LMOD1: variants seen among roughly 807,000 people sequenced by gnomAD.
LMOD1 encodes leiomodin-1.
A neutral mutation model predicts 36.5 loss-of-function variants in LMOD1; 8 were observed. The ratio of observed to expected loss-of-function variants is 0.22; its 90% CI spans 0.13 to 0.40. The LOEUF (loss-of-function observed/expected upper bound fraction) is 0.40, where lower values mean the gene tolerates loss of function less well. Ranked by LOEUF, LMOD1 falls within the 10% of genes least tolerant of loss-of-function variation. LMOD1 has a pLI of 1.00. For synonymous variants in LMOD1, 284 were observed against 288.7 expected, an observed-to-expected ratio of 0.98 and a Z score of 0.17; for missense variants, 630 against 751.1, an observed-to-expected ratio of 0.84 and a Z score of 1.88.
chr1:201,901,585 CATATATATATGTATAT>C (rs1681316546), intron 1 of LMOD1, among the ~76,000 whole-genome samples: 1 of 4,960 alleles, frequency 2.0e-4, no homozygotes, highest in African/African-American at 7.7e-4. Flanking sequence ...TATATATATA[CATATATATATGTATAT>C]ATATATATAC....
Position 201,900,602 on chromosome 1 carries a change from G to A in LMOD1, c.411C>T (p.Asp137=), listed in dbSNP as rs775347698. The change falls in exon 2 of 3, where the codon GAC becomes GAT. Residue 137 remains aspartate, a synonymous_variant. Transcript: ENST00000367288. ...RGGLKKSFSR[D]RDEAGGKSGE... ...CACTCTTGCCACCAGCTTCATCTCT[G>A]TCTCTAGAGAAGCTTTTCTTTAAAC... is the stretch of plus-strand genomic sequence containing the variant. 2.5e-6 allele frequency: 4 copies of A among 1,613,622 alleles called. No individual in the cohort carries two copies. Among genetic ancestry groups the A allele is most frequent in the Non-Finnish European group, 3.4e-6 (4 of 1,179,856 alleles).
chr1:201,908,875 C>G (rs1302397888), intron 1 of LMOD1, among the ~76,000 whole-genome samples: 1 of 152,218 alleles, frequency 6.6e-6, no homozygotes, highest in Non-Finnish European at 1.5e-5. Context: ...TCAGAGCTCT[C>G]AGCCATTCCC....
intron 1 of LMOD1, among the ~76,000 whole-genome samples, chr1:201,926,164 G>A (rs568176730): frequency 6.6e-6 from 1 of 152,172 alleles, no homozygotes; most frequent in Non-Finnish European, 1.5e-5. Context: ...CTTGGCAGAT[G>A]GTCCAATATT....
chr1:201,944,414 C>G (rs1682168201), intron 1 of LMOD1, among the ~76,000 whole-genome samples: 1 of 152,140 alleles, frequency 6.6e-6, no homozygotes, highest in Non-Finnish European at 1.5e-5. Flanking sequence ...CTACCGGACA[C>G]AAGGCAGTCA....
At chr1:201,926,327 C>A (rs1681827009) in intron 1 of LMOD1, among the ~76,000 whole-genome samples, 1 of 152,080 alleles carries the variant, frequency 6.6e-6, no homozygotes, top group South Asian at 2.1e-4. Flanking sequence ...CCCATCAGCC[C>A]ATAAGGCTCA....
At chr1:201,928,988 G>C (rs1391171751) in intron 1 of LMOD1, among the ~76,000 whole-genome samples, 1 of 152,136 alleles carries the variant, frequency 6.6e-6, no homozygotes, top group African/African-American at 2.4e-5. Context: ...AAAGTGCTGG[G>C]ATTGCAGGCA....
At position 201,946,370 on chromosome 1, in the gene LMOD1, GC is replaced by G; in HGVS notation, c.-31del. ...GCAAAATGGGCTGTGGCTGCCAGGG[GC>G]TATCAGAGTCCTGGTGGGCAGGGAA... On this transcript the variant is annotated 5_prime_UTR_variant, in exon 1 of 3. Coordinates refer to ENST00000367288, the MANE Select transcript of LMOD1 (RefSeq NM_012134.3). The G allele has an allele frequency of 6.2e-7, 1 of 1,606,960 alleles. No individual in the cohort carries two copies. The highest frequency in any genetic ancestry group is 8.5e-7 in the Non-Finnish European group (1 of 1,175,586).
Position 201,912,615 on chromosome 1 carries a change from T to C in LMOD1, c.262-11864A>G. On this transcript the variant is annotated intron_variant, in intron 1 of 2. Transcript: ENST00000367288. ...GGCTCATGCCTGTAATCCCAGCACT[T>C]TGGGAGGCCAAGGTGGGTGGATCAC... 1.3e-5 allele frequency among the ~76,000 whole-genome samples: 2 copies of C among 152,134 alleles called. 1 individual carries two copies. The highest frequency in any genetic ancestry group is 2.9e-5 in the Non-Finnish European group (2 of 68,008).
chr1:201,915,556 G>A (rs940929739), intron 1 of LMOD1, among the ~76,000 whole-genome samples: 2 of 152,054 alleles, frequency 1.3e-5, no homozygotes, highest in African/African-American at 4.8e-5. Context: ...ATCAGAACCC[G>A]GCTGGGAAGA....
chr1:201,911,329 G>T (rs1681494013), intron 1 of LMOD1, among the ~76,000 whole-genome samples: 1 of 152,220 alleles, frequency 6.6e-6, no homozygotes, highest in Admixed American at 6.5e-5. Flanking sequence ...CTAAGGCAGA[G>T]TTAGGGAGAA....
At chr1:201,930,622 G>C (rs950948368) in intron 1 of LMOD1, among the ~76,000 whole-genome samples, 5 of 152,194 alleles carry the variant, frequency 3.3e-5, no homozygotes, top group African/African-American at 1.2e-4. Context: ...AGGTGTCCAA[G>C]AGACAACTGA....
At chr1:201,901,584 A>G (rs1207766287) in intron 1 of LMOD1, among the ~76,000 whole-genome samples, 1 of 29,132 alleles carries the variant, frequency 3.4e-5, no homozygotes, top group Non-Finnish European at 6.5e-5. Context: ...ATATATATAT[A>G]CATATATATA....
At position 201,912,731 on chromosome 1, in the gene LMOD1, C is replaced by T. The variant is rs184626218; in HGVS notation, c.262-11980G>A. ...AAAATTAGCCGGGCGTGGTGGCGGG[C>T]GCCTGTAATCCCAGCTACTCCGGAG... On this transcript the variant is annotated intron_variant, in intron 1 of 2. Coordinates refer to ENST00000367288, the MANE Select transcript of LMOD1 (RefSeq NM_012134.3). 5.1e-3 allele frequency among the ~76,000 whole-genome samples: 768 copies of T among 152,068 alleles called. 5 individuals carry two copies. Among genetic ancestry groups the T allele is most frequent in the African/African-American group, 0.017 (716 of 41,474 alleles).
Position 201,900,115 on chromosome 1 carries a change from T to C in LMOD1, c.898A>G (p.Thr300Ala). Reference sequence around the variant, plus strand: ...TTGGCCGGTCCTTCAGAGGGCTTGGTGGGGCCACTGGGCGTCTGTTTCTCG... The same window carrying C: ...TTGGCCGGTCCTTCAGAGGGCTTGGCGGGGCCACTGGGCGTCTGTTTCTCG... ...TPEKQTPSGP[T>A]KPSEGPAKVE... The change falls in exon 2 of 3, where the codon ACC (threonine) becomes GCC (alanine). Residue 300 changes from threonine (T) to alanine (A), a missense_variant. Thr to Ala is a moderately conservative substitution (Grantham distance 58). Coordinates refer to ENST00000367288, the MANE Select transcript of LMOD1 (RefSeq NM_012134.3). 1.2e-6 allele frequency: 2 copies of C among 1,613,972 alleles called. No individual in the cohort carries two copies. The highest frequency in any genetic ancestry group is 1.7e-6 in the Non-Finnish European group (2 of 1,179,872).
rs191941672 is a variant in LMOD1, at chr1:201,899,714, C to T, written c.1299G>A (p.Thr433=). The change falls in exon 2 of 3, where the codon ACG becomes ACA. Residue 433 remains threonine (T), a synonymous_variant. Transcript: ENST00000367288. The surrounding 1 kb of genome is among the most constrained non-coding windows in gnomAD (Gnocchi z 6.3). ...HNQRHICGGK[T]EMEIAKLLKE... is the part of the protein sequence containing the mutation. The stretch of plus-strand genomic sequence containing the variant: ...TCAGCAGCTTGGCGATCTCCATCTC[C>T]GTCTTGCCTCCACAGATGTGTCGCT... 23 of 1,613,930 alleles carry T rather than the reference C, an allele frequency of 1.4e-5. No homozygotes were observed. Among genetic ancestry groups the T allele is most frequent in the South Asian group, 2.2e-5 (2 of 91,082 alleles).
Position 201,933,595 on chromosome 1 carries a change from T to TTATATATATA in LMOD1, c.261+12475_261+12484dup, listed in dbSNP as rs71141426. On this transcript the variant is annotated intron_variant, in intron 1 of 2. Transcript: ENST00000367288. ...TTATATATGTACACATATACATACA[T>TTATATATATA]TATATATATATATATATATATATAT... 5.5e-3 allele frequency among the ~76,000 whole-genome samples: 345 copies of TTATATATATA among 63,118 alleles called. 15 individuals carry two copies. Among genetic ancestry groups the TTATATATATA allele is most frequent in the East Asian group, 0.02 (30 of 1,490 alleles). The allele number at this position is 63,118 out of a possible 152,430, so 41.4% of individuals were successfully genotyped here.
intron 1 of LMOD1, among the ~76,000 whole-genome samples, chr1:201,907,670 A>AG (rs2102912759): frequency 6.6e-6 from 1 of 152,158 alleles, no homozygotes; most frequent in Non-Finnish European, 1.5e-5. Context: ...GACAGAGGCC[A>AG]GGGTGGAGTG....
At chr1:201,903,869 G>C (rs1032729895) in intron 1 of LMOD1, among the ~76,000 whole-genome samples, 2 of 152,176 alleles carry the variant, frequency 1.3e-5, no homozygotes. Context: ...CACGCCACTT[G>C]TAGGCTTCAC....
intron 1 of LMOD1, among the ~76,000 whole-genome samples, chr1:201,914,892 CCTT>C (rs1255249735): frequency 6.6e-6 from 1 of 152,188 alleles, no homozygotes; most frequent in East Asian, 1.9e-4. Flanking sequence ...ATCAGATCCT[CCTT>C]CTGTCCACAG....
Sources: gnomAD v4.1 joint callset for allele counts (sites outside exome capture counted in the v4.1 genomes callset) on GRCh38, gnomAD v4.1.1 for gene constraint, Gnocchi (gnomAD v3.1) non-coding constraint, MANE v1.5 for transcripts, NCBI Gene and HGNC (gene_info 2026-07-23, HGNC 2026-07-21) for gene names.